Variants in CMKLR2 observed in about 807,000 individuals in gnomAD.
The protein encoded by CMKLR2 is chemerin chemokine-like receptor 2, also known as chemerin-like receptor 2.
In CMKLR2, 18 loss-of-function variants were observed where a neutral mutation model predicts 23.0. That is an observed-to-expected ratio of 0.78 (90% CI 0.54 to 1.16). The LOEUF (loss-of-function observed/expected upper bound fraction) is 1.16. CMKLR2 is among the 50% of genes most tolerant of loss of function. CMKLR2 has a pLI of 0.00. For missense variants in CMKLR2, 401 were observed against 412.7 expected (o/e 0.97, Z 0.25); for synonymous variants, 158 against 158.9 (o/e 0.99, Z 0.05).
intron 1 of CMKLR2, among the ~76,000 whole-genome samples, chr2:206,187,217 C>T (rs550735150): frequency 1.5e-4 from 23 of 151,964 alleles, no homozygotes; most frequent in Non-Finnish European, 2.4e-4. Context: ...CGCAGTAAGG[C>T]GGAGGTTGCA....
intron 1 of CMKLR2, among the ~76,000 whole-genome samples, chr2:206,191,347 G>A (rs1315574553): frequency 6.6e-6 from 1 of 152,182 alleles, no homozygotes; most frequent in Non-Finnish European, 1.5e-5. Flanking sequence ...TTACCTACAA[G>A]TTTTAGCTTA....
chr2:206,183,020 G>T (rs1296922132), intron 1 of CMKLR2, among the ~76,000 whole-genome samples: 3 of 152,030 alleles, frequency 2.0e-5, no homozygotes, highest in Admixed American at 1.3e-4. Flanking sequence ...CTGTCATGCT[G>T]CCCCATTCTT....
chr2:206,214,165 A>ATTTTTTTT (rs34307347), upstream of CMKLR2, among the ~76,000 whole-genome samples: 7 of 64,928 alleles, frequency 1.1e-4, no homozygotes, highest in South Asian at 6.3e-4. Flanking sequence ...TAAAGACTTG[A>ATTTTTTTT]TTTTTTTTTT....
At chr2:206,213,024 T>C (rs1689626642) in intron 1 of CMKLR2, among the ~76,000 whole-genome samples, 1 of 152,204 alleles carries the variant, frequency 6.6e-6, no homozygotes, top group Non-Finnish European at 1.5e-5. Context: ...TGAAAGTTCT[T>C]TGTCCGCCCA....
intron 1 of CMKLR2, among the ~76,000 whole-genome samples, chr2:206,177,870 AG>A (rs1688283564): frequency 6.6e-6 from 1 of 152,184 alleles, no homozygotes; most frequent in African/African-American, 2.4e-5. Context: ...TAATGCTTGT[AG>A]GGCTGACTAG....
chr2:206,179,486 C>G (rs1184001321), intron 1 of CMKLR2, among the ~76,000 whole-genome samples: 1 of 149,004 alleles, frequency 6.7e-6, no homozygotes, highest in Non-Finnish European at 1.5e-5. Context: ...AAGTGATTCT[C>G]CTGCCTCAGC....
At chr2:206,205,226 C>CA (rs1244843928) in intron 1 of CMKLR2, among the ~76,000 whole-genome samples, 3 of 152,160 alleles carry the variant, frequency 2.0e-5, no homozygotes, top group African/African-American at 7.2e-5. Flanking sequence ...TTTCAAAAAT[C>CA]AATCTTTTAT....
chr2:206,189,256 G>T (rs190734758), intron 1 of CMKLR2, among the ~76,000 whole-genome samples: 2 of 152,116 alleles, frequency 1.3e-5, no homozygotes, highest in East Asian at 3.9e-4. Flanking sequence ...CTGGTAAAAA[G>T]AACTCAAGCT....
rs187311851 is a variant in CMKLR2 at position 206,176,445 on chromosome 2, C to T, written c.803G>A (p.Trp268Ter). 5.6e-6 allele frequency: 9 copies of T among 1,614,122 alleles called. No homozygotes were observed. In the East Asian group the frequency reaches 6.7e-5, roughly 12 times the overall value. The change falls in exon 2 of 2, where the codon TGG becomes TAG. Residue 268 changes from tryptophan to a stop codon, truncating the protein, a stop_gained. Transcript: ENST00000621141. LOFTEE classifies it high-confidence loss of function. ...GCTATTGTGGTGAATGGTGAGCTCCCAAATGCTAAACAGGTGATAAGGAGT... is the reference window on the plus strand; with the variant it reads ...GCTATTGTGGTGAATGGTGAGCTCCTAAATGCTAAACAGGTGATAAGGAGT... ...CWTPYHLFSI[W>*]ELTIHHNSYS...
intron 1 of CMKLR2, among the ~76,000 whole-genome samples, chr2:206,210,120 T>C (rs936628599): frequency 6.6e-6 from 1 of 151,664 alleles, no homozygotes; most frequent in Non-Finnish European, 1.5e-5. Context: ...TGCGCCACCA[T>C]GACTGGCTAA....
upstream of CMKLR2, among the ~76,000 whole-genome samples, chr2:206,216,051 G>T (rs73985241): frequency 1.9e-3 from 285 of 152,274 alleles, 2 homozygotes; most frequent in African/African-American, 6.2e-3. Context: ...CAGGTAGAAG[G>T]ATTTCTGGAC....
At chr2:206,178,074 A>C (rs1374182346) in intron 1 of CMKLR2, among the ~76,000 whole-genome samples, 3 of 152,124 alleles carry the variant, frequency 2.0e-5, no homozygotes, top group Non-Finnish European at 2.9e-5. Context: ...CCAGCCTGGG[A>C]AATATAGCAA....
chr2:206,205,943 C>A (rs1272324707), intron 1 of CMKLR2, among the ~76,000 whole-genome samples: 1 of 152,086 alleles, frequency 6.6e-6, no homozygotes, highest in Non-Finnish European at 1.5e-5. Context: ...TGGTGATCTG[C>A]CCGCCTCGGC....
At chr2:206,198,238 G>A (rs1688981342) in intron 1 of CMKLR2, among the ~76,000 whole-genome samples, 1 of 152,074 alleles carries the variant, frequency 6.6e-6, no homozygotes, top group African/African-American at 2.4e-5. Flanking sequence ...CTGACCTGCC[G>A]TAACACTTGA....
intron 1 of CMKLR2, among the ~76,000 whole-genome samples, chr2:206,184,153 A>G (rs1688500214): frequency 6.6e-6 from 1 of 152,080 alleles, no homozygotes; most frequent in African/African-American, 2.4e-5. Flanking sequence ...CTCTGCCTAC[A>G]TCTTCACATA....
chr2:206,202,648 G>A (rs1025807890), intron 1 of CMKLR2, among the ~76,000 whole-genome samples: 1 of 151,448 alleles, frequency 6.6e-6, no homozygotes, highest in Admixed American at 6.6e-5. Flanking sequence ...GCTGGATGGC[G>A]TCATAGCTAT....
Position 206,176,293 on chromosome 2 carries a change from C to T in CMKLR2, c.955G>A (p.Val319Ile). 4.3e-6 allele frequency: 7 copies of T among 1,614,144 alleles called. No individual in the cohort carries two copies. Among genetic ancestry groups the T allele is most frequent in the Non-Finnish European group, 5.9e-6 (7 of 1,180,022 alleles). Reference sequence around the variant, plus strand: ...AGTGTGTACTTGAGTATCTCAGCAACTGAGGACCGGAAGCGAGCTTGGAAC... The same window carrying T: ...AGTGTGTACTTGAGTATCTCAGCAATTGAGGACCGGAAGCGAGCTTGGAAC... ...KKFQARFRSS[V>I]AEILKYTLWE... is the part of the protein sequence containing the mutation. Residue 319 changes from valine to isoleucine, a missense_variant, in exon 2 of 2, where the codon GTT becomes ATT. Coordinates refer to ENST00000621141, the MANE Select transcript of CMKLR2 (RefSeq NM_001389445.1).
chr2:206,176,449 T>C lies in CMKLR2; in HGVS notation c.799A>G (p.Ile267Val), dbSNP rs773998045. Residue 267 changes from isoleucine (I) to valine (V), a missense_variant, in exon 2 of 2, where the codon ATT (isoleucine) becomes GTT (valine). Ile to Val is a conservative substitution (Grantham distance 29). Coordinates refer to ENST00000621141, the MANE Select transcript of CMKLR2 (RefSeq NM_001389445.1). ...VCWTPYHLFSIWELTIHHNSY... is the reference protein window; with the variant it reads ...VCWTPYHLFSVWELTIHHNSY... The stretch of plus-strand genomic sequence containing the variant: ...TTGTGGTGAATGGTGAGCTCCCAAA[T>C]GCTAAACAGGTGATAAGGAGTCCAG... The C allele has an allele frequency of 2.5e-6, 4 of 1,614,120 alleles. No homozygotes were observed. Among genetic ancestry groups the C allele is most frequent in the Admixed American group, 1.7e-5 (1 of 59,992 alleles).
Position 206,176,623 on chromosome 2 carries a change from C to T in CMKLR2, c.625G>A (p.Val209Met). 4.3e-6 allele frequency: 7 copies of T among 1,614,126 alleles called. No homozygotes were observed. Among genetic ancestry groups the T allele is most frequent in the Non-Finnish European group, 5.1e-6 (6 of 1,180,028 alleles). ...TLIRHHVLTW[V>M]KFIIGYLFPL... ...AAGAGATAGCCAATGATAAATTTCA[C>T]CCAAGTCAGAACATGGTGCCTGATC... Residue 209 changes from valine to methionine, a missense_variant, in exon 2 of 2, where the codon GTG becomes ATG. Transcript: ENST00000621141.
Sources: allele counts gnomAD v4.1 joint callset (sites outside exome capture counted in the v4.1 genomes callset), GRCh38; gene constraint gnomAD v4.1.1; transcripts MANE v1.5; gene names NCBI Gene and HGNC (gene_info 2026-07-23, HGNC 2026-07-21).